Variants in XPO4 observed in about 807,000 individuals in gnomAD.
The protein encoded by XPO4 is exportin 4.
A neutral mutation model predicts 143.0 loss-of-function variants in XPO4; 39 were observed. The ratio of observed to expected loss-of-function variants is 0.27; its 90% CI spans 0.21 to 0.36. The LOEUF is 0.36. Ranked by LOEUF, XPO4 falls within the 10% of genes least tolerant of loss-of-function variation. The pLI is 1.00. For synonymous variants in XPO4, 439 were observed against 474.0 expected (o/e 0.93, Z 0.96); for missense variants, 907 against 1,348.0 (o/e 0.67, Z 5.12).
At chr13:20,806,539 C>CTTTTTT (rs3056347) in intron 13 of XPO4, among the ~76,000 whole-genome samples, 6 of 61,596 alleles carry the variant, frequency 9.7e-5, no homozygotes, top group African/African-American at 3.4e-4. Context: ...TTTCAGGACC[C>CTTTTTT]TTTTTTTTTT....
rs771067742 is a variant in XPO4, at chr13:20,796,995, C to G, written c.2385G>C (p.Met795Ile). 99 of 1,612,842 alleles carry G rather than the reference C, an allele frequency of 6.1e-5. No homozygotes were observed. Among genetic ancestry groups the G allele is most frequent in the Non-Finnish European group, 8.2e-5 (97 of 1,179,472 alleles). Residue 795 changes from methionine to isoleucine, a missense_variant, in exon 17 of 23, where the codon ATG becomes ATC. By Grantham distance (10) the Met-to-Ile change is conservative (BLOSUM62 1). Transcript: ENST00000255305. ...CCTGCTTGACTTCCTCTTGCTGACACATCTGCTGGAAGTTTTCTTGGTTTA... is the reference window on the plus strand; with the variant it reads ...CCTGCTTGACTTCCTCTTGCTGACAGATCTGCTGGAAGTTTTCTTGGTTTA... Reference protein sequence around the residue: ...RVINQENFQQMCQQEEVKQEI... With the variant: ...RVINQENFQQICQQEEVKQEI...
intron 1 of XPO4, chr13:20,879,295 G>A (rs1165638291): frequency 4.1e-6 from 4 of 985,172 alleles, no homozygotes; most frequent in Non-Finnish European, 4.8e-6. Context: ...CGGAAGGAGG[G>A]GGACCAGGGA....
intron 9 of XPO4, among the ~76,000 whole-genome samples, chr13:20,819,828 C>A (rs1484601564): frequency 6.6e-6 from 1 of 152,196 alleles, no homozygotes; most frequent in African/African-American, 2.4e-5. Context: ...CTGGTATTAG[C>A]TGTATACTCC....
At chr13:20,898,584 C>T (rs894590623) in intron 1 of XPO4, among the ~76,000 whole-genome samples, 37 of 151,874 alleles carry the variant, frequency 2.4e-4, no homozygotes, top group African/African-American at 8.7e-4. Context: ...AAAAAAAAAC[C>T]TATGAAAATT....
intron 4 of XPO4, among the ~76,000 whole-genome samples, chr13:20,855,345 C>T (rs2060132465): frequency 6.6e-6 from 1 of 151,600 alleles, no homozygotes; most frequent in Non-Finnish European, 1.5e-5. Context: ...ATCCCAGCTA[C>T]TTGGGAGGCT....
chr13:20,868,380 T>C (rs990278427), intron 2 of XPO4: 50 of 616,798 alleles, frequency 8.1e-5, no homozygotes, highest in Admixed American at 4.4e-4. Context: ...ATGAACACTA[T>C]ATCTAGGGGG....
intron 1 of XPO4, among the ~76,000 whole-genome samples, chr13:20,892,271 A>T (rs1257635071): frequency 6.6e-6 from 1 of 152,042 alleles, no homozygotes; most frequent in African/African-American, 2.4e-5. Context: ...TATTTTTAGT[A>T]GACATGGGGT....
intron 7 of XPO4, among the ~76,000 whole-genome samples, chr13:20,824,288 T>C (rs1225812442): frequency 1.3e-5 from 2 of 152,202 alleles, no homozygotes; most frequent in African/African-American, 4.8e-5. Flanking sequence ...AATCTGTAAT[T>C]AAATTTTTGT....
intron 1 of XPO4, among the ~76,000 whole-genome samples, chr13:20,874,016 T>A (rs779570745): frequency 1.3e-5 from 2 of 152,208 alleles, no homozygotes; most frequent in African/African-American, 2.4e-5. Context: ...AATTGTTGCA[T>A]GCCCAAGATG....
intron 6 of XPO4, among the ~76,000 whole-genome samples, chr13:20,828,266 T>G (rs1420032000): frequency 2.6e-5 from 4 of 152,006 alleles, no homozygotes; most frequent in Non-Finnish European, 5.9e-5. Context: ...CAAAAAACAG[T>G]GGTTATGCCC....
chr13:20,852,537 C>A, intron 4 of XPO4: 2 of 985,190 alleles, frequency 2.0e-6, no homozygotes, highest in Non-Finnish European at 2.4e-6. Flanking sequence ...CGTGTAGACA[C>A]TGCTGAAGCA....
intron 8 of XPO4, 22 bp downstream of exon 8, chr13:20,822,110 T>G: frequency 6.3e-7 from 1 of 1,578,344 alleles, no homozygotes; most frequent in East Asian, 2.3e-5. Flanking sequence ...CTTTTTCAGC[T>G]GCAAAGGGCA....
rs56312143 is a variant in XPO4, at chr13:20,853,336, C to CAAA, written c.456+2288_456+2290dup. On this transcript the variant is annotated intron_variant, in intron 4 of 22. Transcript: ENST00000255305. ...CAACAGAGCAAGTGAGACCCTGTCT[C>CAAA]AAAAAAAAAAAAAAAATAGCTTCCT... 5.9e-5 allele frequency among the ~76,000 whole-genome samples: 6 copies of CAAA among 101,988 alleles called. 1 individual carries two copies. The highest frequency in any genetic ancestry group is 1.2e-4 in the Admixed American group (1 of 8,630). 66.9% of individuals were successfully genotyped at this position (101,988 alleles called of 152,430 possible).
At chr13:20,843,099 T>C (rs755869429) in intron 5 of XPO4, 51 bp from the exon 6 acceptor site, 8 of 1,490,918 alleles carry the variant, frequency 5.4e-6, no homozygotes, top group African/African-American at 1.4e-5. Context: ...ATTCAAAATG[T>C]ATCCCCTTTT....
chr13:20,785,871 A>T (rs1247991675), intron 22 of XPO4, among the ~76,000 whole-genome samples: 1 of 90,488 alleles, frequency 1.1e-5, no homozygotes, highest in Non-Finnish European at 2.2e-5. Flanking sequence ...GGAGGAAAGG[A>T]GGGAGGGAGG....
intron 1 of XPO4, among the ~76,000 whole-genome samples, chr13:20,873,154 G>A (rs986356961): frequency 3.3e-5 from 5 of 150,758 alleles, no homozygotes; most frequent in African/African-American, 7.3e-5. Flanking sequence ...TTCCAGAGTT[G>A]GAGCTCACAA....
At chr13:20,862,004 G>A (rs567065461) in intron 3 of XPO4, among the ~76,000 whole-genome samples, 20 of 152,062 alleles carry the variant, frequency 1.3e-4, no homozygotes, top group Non-Finnish European at 2.6e-4. Context: ...GGCCAGGATC[G>A]TCTTGATCTC....
intron 1 of XPO4, among the ~76,000 whole-genome samples, chr13:20,894,679 T>C (rs1437767792): frequency 3.3e-5 from 5 of 151,618 alleles, no homozygotes; most frequent in African/African-American, 9.7e-5. Flanking sequence ...CCGTCTCTAC[T>C]AAAAATACAA....
intron 12 of XPO4, among the ~76,000 whole-genome samples, chr13:20,807,895 T>G (rs1490883703): frequency 6.6e-6 from 1 of 152,152 alleles, no homozygotes; most frequent in Non-Finnish European, 1.5e-5. Flanking sequence ...CTTAAATAAT[T>G]TTCAGTACTG....
Sources: gnomAD v4.1 joint callset for allele counts (sites outside exome capture counted in the v4.1 genomes callset) on GRCh38, gnomAD v4.1.1 for gene constraint, MANE v1.5 for transcripts, NCBI Gene and HGNC (gene_info 2026-07-23, HGNC 2026-07-21) for gene names.